Variants in CCSER1 observed in about 807,000 individuals in gnomAD.
The protein encoded by CCSER1 is serine-rich coiled-coil domain-containing protein 1.
CCSER1 carries 41 observed loss-of-function variants against 82.0 expected under a neutral mutation model. That is an observed-to-expected ratio of 0.50 (90% CI 0.39 to 0.65). CCSER1 has a LOEUF of 0.65. Ranked by LOEUF, CCSER1 falls within the 30% of genes least tolerant of loss-of-function variation. The pLI is 0.00. For missense variants in CCSER1, 1,119 were observed against 1,064.2 expected, an observed-to-expected ratio of 1.05 and a Z score of -0.72; for synonymous variants, 414 against 383.9, an observed-to-expected ratio of 1.08 and a Z score of -0.92.
intron 8 of CCSER1, among the ~76,000 whole-genome samples, chr4:90,883,891 A>T (rs1181131675): frequency 2.0e-5 from 3 of 152,146 alleles, no homozygotes; most frequent in African/African-American, 7.2e-5. Flanking sequence ...GGAGAAAGGG[A>T]AATGCATTTA....
intron 8 of CCSER1, among the ~76,000 whole-genome samples, chr4:90,881,223 A>G (rs1263698778): frequency 2.0e-5 from 3 of 152,070 alleles, no homozygotes; most frequent in Non-Finnish European, 4.4e-5. Context: ...CGTTTCCACA[A>G]TGCCATCTTT....
At chr4:90,327,778 A>G (rs1012030182) in intron 3 of CCSER1, among the ~76,000 whole-genome samples, 1 of 152,196 alleles carries the variant, frequency 6.6e-6, no homozygotes, top group Non-Finnish European at 1.5e-5. Flanking sequence ...TGTGACAACT[A>G]AAAATATTTC....
chr4:91,555,416 A>G (rs1762352703), intron 10 of CCSER1, among the ~76,000 whole-genome samples: 1 of 151,136 alleles, frequency 6.6e-6, no homozygotes, highest in Non-Finnish European at 1.5e-5. Flanking sequence ...TATCAACTAA[A>G]TATACCAAAT....
At chr4:91,073,666 C>T (rs114916894) in intron 9 of CCSER1, among the ~76,000 whole-genome samples, 2,393 of 152,010 alleles carry the variant, frequency 0.016, 27 homozygotes, top group Middle Eastern at 0.024. Context: ...TCAGAAACTA[C>T]GGAAGCTTAA....
intron 1 of CCSER1, among the ~76,000 whole-genome samples, chr4:90,219,936 G>A (rs75306906): frequency 0.012 from 1,821 of 152,184 alleles, 45 homozygotes; most frequent in African/African-American, 0.041. Flanking sequence ...CTTTTATGTT[G>A]CTAATATTTC....
At chr4:90,650,688 A>G (rs572201152) in intron 6 of CCSER1, among the ~76,000 whole-genome samples, 29 of 152,188 alleles carry the variant, frequency 1.9e-4, no homozygotes, top group Non-Finnish European at 3.1e-4. Flanking sequence ...ATACCTACAT[A>G]TTTTTTACAC....
At chr4:90,478,877 A>T (rs1209446581) in intron 5 of CCSER1, among the ~76,000 whole-genome samples, 2 of 151,752 alleles carry the variant, frequency 1.3e-5, no homozygotes, top group East Asian at 3.9e-4. Context: ...AGTAGCTGGG[A>T]TTATAGGCAC....
chr4:90,879,429 C>T (rs1222930059), intron 8 of CCSER1, among the ~76,000 whole-genome samples: 1 of 151,212 alleles, frequency 6.6e-6, no homozygotes, highest in Non-Finnish European at 1.5e-5. Flanking sequence ...GCCAGCTTGG[C>T]CTGGTTAAGT....
chr4:90,497,188 A>G (rs1769170480), intron 5 of CCSER1, among the ~76,000 whole-genome samples: 1 of 152,156 alleles, frequency 6.6e-6, no homozygotes, highest in Non-Finnish European at 1.5e-5. Flanking sequence ...CACATTTTGC[A>G]TGGTACCTTG....
At chr4:91,495,051 A>G (rs1578614601) in intron 10 of CCSER1, among the ~76,000 whole-genome samples, 2 of 151,620 alleles carry the variant, frequency 1.3e-5, no homozygotes, top group Non-Finnish European at 3.0e-5. Flanking sequence ...AAATGTGGGG[A>G]GTTAAATTAA....
intron 5 of CCSER1, among the ~76,000 whole-genome samples, chr4:90,511,377 C>T (rs1771480489): frequency 6.6e-6 from 1 of 152,146 alleles, no homozygotes; most frequent in Non-Finnish European, 1.5e-5. Flanking sequence ...GAGATTGCAC[C>T]ACTGCACTCC....
At chr4:90,894,149 A>C (rs2150124311) in intron 8 of CCSER1, among the ~76,000 whole-genome samples, 1 of 152,164 alleles carries the variant, frequency 6.6e-6, no homozygotes, top group Middle Eastern at 3.4e-3. Context: ...ATTTTTAAAT[A>C]ATGCACCAAT....
intron 10 of CCSER1, among the ~76,000 whole-genome samples, chr4:91,425,673 C>G (rs1003277882): frequency 6.6e-6 from 1 of 151,740 alleles, no homozygotes; most frequent in Non-Finnish European, 1.5e-5. Context: ...CATTGGGTAT[C>G]TAAAATAATC....
chr4:91,118,985 T>C (rs1045950625), intron 10 of CCSER1, among the ~76,000 whole-genome samples: 1 of 152,172 alleles, frequency 6.6e-6, no homozygotes, highest in Non-Finnish European at 1.5e-5. Context: ...TGCAAGTTAG[T>C]GTTTAAAAGA....
At chr4:91,358,636 A>G (rs1049022311) in intron 10 of CCSER1, among the ~76,000 whole-genome samples, 8 of 152,178 alleles carry the variant, frequency 5.3e-5, no homozygotes, top group African/African-American at 1.4e-4. Context: ...GTGGGTGATC[A>G]GGCCACGCTT....
At chr4:91,549,417 T>C (rs1430573159) in intron 10 of CCSER1, among the ~76,000 whole-genome samples, 1 of 152,224 alleles carries the variant, frequency 6.6e-6, no homozygotes, top group African/African-American at 2.4e-5. Flanking sequence ...GTGTGCTTTG[T>C]AATTTTTTTG....
chr4:91,468,669 G>A (rs1465324300), intron 10 of CCSER1, among the ~76,000 whole-genome samples: 1 of 151,682 alleles, frequency 6.6e-6, no homozygotes, highest in Non-Finnish European at 1.5e-5. Context: ...TTATATTTAA[G>A]TTTTCCATTT....
chr4:90,812,119 A>G (rs1222299456), intron 7 of CCSER1, among the ~76,000 whole-genome samples: 5 of 152,054 alleles, frequency 3.3e-5, no homozygotes, highest in African/African-American at 4.8e-5. Flanking sequence ...TTGGAGTCCA[A>G]TGTTCAAGGG....
At chr4:90,419,185 A>T (rs1256368613) in intron 4 of CCSER1, among the ~76,000 whole-genome samples, 1 of 151,988 alleles carries the variant, frequency 6.6e-6, no homozygotes, top group African/African-American at 2.4e-5. Flanking sequence ...TTTAGTGAGG[A>T]TGAAATTGTG....
Sources: gnomAD v4.1 joint callset for allele counts (sites outside exome capture counted in the v4.1 genomes callset) on GRCh38, gnomAD v4.1.1 for gene constraint, MANE v1.5 for transcripts, NCBI Gene and HGNC (gene_info 2026-07-23, HGNC 2026-07-21) for gene names.